The following ZBTB20 variants were observed in gnomAD, a reference collection of about 807,000 sequenced individuals.
ZBTB20 encodes the protein zinc finger and BTB domain containing 20, also known as zinc finger and BTB domain-containing protein 20.
ZBTB20 carries 9 observed loss-of-function variants against 56.9 expected under a neutral mutation model. The ratio of observed to expected loss-of-function variants is 0.16; its 90% CI spans 0.10 to 0.28. ZBTB20 has a LOEUF of 0.28. ZBTB20 is among the 10% of genes least tolerant of loss of function. ZBTB20 has a pLI of 1.00. For missense variants in ZBTB20, 655 were observed against 1,003.0 expected (o/e 0.65, Z 4.69); for synonymous variants, 417 against 420.7 (o/e 0.99, Z 0.11).
intron 6 of ZBTB20, among the ~76,000 whole-genome samples, chr3:114,581,628 C>A (rs2054635576): frequency 6.6e-6 from 1 of 150,392 alleles, no homozygotes. Flanking sequence ...AATAACCCAA[C>A]AGAAAGATGG....
intron 1 of ZBTB20, among the ~76,000 whole-genome samples, chr3:115,104,099 G>C (rs569804538): frequency 9.9e-5 from 15 of 152,204 alleles, no homozygotes; most frequent in African/African-American, 2.6e-4. Context: ...TATGAAAGGG[G>C]CTCCATATTA....
At chr3:114,705,797 G>C (rs2063686538) in intron 5 of ZBTB20, among the ~76,000 whole-genome samples, 1 of 152,184 alleles carries the variant, frequency 6.6e-6, no homozygotes, top group Non-Finnish European at 1.5e-5. Context: ...ACCCAGCACT[G>C]GGAGATGTCA....
chr3:115,097,247 C>T (rs1372179468), intron 1 of ZBTB20, among the ~76,000 whole-genome samples: 2 of 152,092 alleles, frequency 1.3e-5, no homozygotes, highest in Non-Finnish European at 1.5e-5. Flanking sequence ...GGCACGATCT[C>T]GGCTCACTAC....
chr3:115,104,429 T>C (rs2083666001), intron 1 of ZBTB20, among the ~76,000 whole-genome samples: 1 of 152,202 alleles, frequency 6.6e-6, no homozygotes, highest in Admixed American at 6.5e-5. Context: ...ATTGCCAATA[T>C]TTGGAAGAAA....
chr3:114,969,286 T>C (rs767249575), intron 3 of ZBTB20, among the ~76,000 whole-genome samples: 4 of 152,156 alleles, frequency 2.6e-5, no homozygotes, highest in Non-Finnish European at 4.4e-5. Flanking sequence ...TAGTCTCCTC[T>C]AGTATTATTT....
intron 7 of ZBTB20, among the ~76,000 whole-genome samples, chr3:114,480,081 G>T (rs180913166): frequency 3.8e-4 from 58 of 152,108 alleles, no homozygotes; most frequent in Admixed American, 1.4e-3. Flanking sequence ...GATTATATTT[G>T]TTCCTAACAA....
At position 114,333,007 on chromosome 3, in the gene ZBTB20, C is replaced by G. The variant is rs1034462454; in HGVS notation, c.*5998G>C. The G allele has an allele frequency of 5.9e-5, 9 of 152,232 alleles. No individual in the cohort carries two copies. Among genetic ancestry groups the G allele is most frequent in the African/African-American group, 1.9e-4 (8 of 41,456 alleles). The allele number at this position is 152,232 out of a possible 1,614,324, so 9.4% of individuals were successfully genotyped here. A position where few individuals can be genotyped will look rare whatever the true frequency, so the allele number is the denominator to read the frequency against. On this transcript the variant is annotated 3_prime_UTR_variant, in exon 12 of 12. Coordinates refer to ENST00000675478, the MANE Select transcript of ZBTB20 (RefSeq NM_001348800.3). ...CTAAAAAGGATGGAAACAAGCCCTA[C>G]TGTTCCATAACCATTCCCAGGGATC...
intron 4 of ZBTB20, among the ~76,000 whole-genome samples, chr3:114,898,939 TG>T (rs2074996859): frequency 6.6e-6 from 1 of 152,142 alleles, no homozygotes. Context: ...TCTTTAATAT[TG>T]AGTTGCAGCT....
rs895175788 is a variant in ZBTB20, at chr3:114,321,540, A to C, written c.*17465T>G. The C allele has an allele frequency of 1.3e-5, 2 of 152,192 alleles. No homozygotes were observed. The highest frequency in any genetic ancestry group is 4.8e-5 in the African/African-American group (2 of 41,430). The allele number at this position is 152,192 out of a possible 1,614,324, so 9.4% of individuals were successfully genotyped here. A position where few individuals can be genotyped will look rare whatever the true frequency, so the allele number is the denominator to read the frequency against. On this transcript the variant is annotated 3_prime_UTR_variant, in exon 12 of 12. Coordinates refer to ENST00000675478, the MANE Select transcript of ZBTB20 (RefSeq NM_001348800.3). ...AAAGTTTCAATGGCAGGGGCTCTTTACGTTAACTATACCTAACTGATGACT... is the reference window on the plus strand; with the variant it reads ...AAAGTTTCAATGGCAGGGGCTCTTTCCGTTAACTATACCTAACTGATGACT...
intron 7 of ZBTB20, chr3:114,419,264 A>G (rs1165161427): frequency 6.6e-6 from 1 of 152,110 alleles, no homozygotes; most frequent in Non-Finnish European, 1.5e-5. Context: ...ATAATTTGGA[A>G]CACAAATAAT....
intron 3 of ZBTB20, among the ~76,000 whole-genome samples, chr3:114,935,496 T>C (rs1000660737): frequency 6.6e-6 from 1 of 152,230 alleles, no homozygotes; most frequent in Non-Finnish European, 1.5e-5. Context: ...AATTAAGATT[T>C]TCTTTTTTAA....
At chr3:114,352,140 G>C (rs147267121) in intron 10 of ZBTB20, among the ~76,000 whole-genome samples, 5 of 152,296 alleles carry the variant, frequency 3.3e-5, no homozygotes, top group African/African-American at 9.6e-5. Flanking sequence ...CCAGAGCTTC[G>C]GCTGAGGTAG....
At chr3:115,003,647 T>A (rs961648242) in intron 2 of ZBTB20, among the ~76,000 whole-genome samples, 1 of 151,518 alleles carries the variant, frequency 6.6e-6, no homozygotes, top group Non-Finnish European at 1.5e-5. Context: ...CTGGGAAACA[T>A]AGTGAGCACG....
At chr3:114,789,310 C>G (rs948909518) in intron 5 of ZBTB20, among the ~76,000 whole-genome samples, 22 of 152,094 alleles carry the variant, frequency 1.4e-4, no homozygotes, top group African/African-American at 4.8e-4. Flanking sequence ...AGTCACTATC[C>G]AGAAAAATGG....
intron 5 of ZBTB20, among the ~76,000 whole-genome samples, chr3:114,694,160 A>C (rs2108330143): frequency 6.6e-6 from 1 of 152,242 alleles, no homozygotes; most frequent in East Asian, 1.9e-4. Context: ...TTATATTCCA[A>C]GTCTTGTAAG....
intron 7 of ZBTB20, among the ~76,000 whole-genome samples, chr3:114,413,103 C>A (rs1439667519): frequency 1.3e-5 from 2 of 151,454 alleles, no homozygotes; most frequent in African/African-American, 4.9e-5. Flanking sequence ...TGAAGTACTT[C>A]AAAAAATAAA....
chr3:114,573,425 T>C (rs758740801), intron 6 of ZBTB20, among the ~76,000 whole-genome samples: 2 of 144,624 alleles, frequency 1.4e-5, no homozygotes, highest in Non-Finnish European at 3.0e-5. Flanking sequence ...TGACACTTCA[T>C]TCCAGCTTGG....
At chr3:114,675,734 A>C (rs1441913553) in intron 6 of ZBTB20, among the ~76,000 whole-genome samples, 2 of 152,134 alleles carry the variant, frequency 1.3e-5, no homozygotes, top group Non-Finnish European at 2.9e-5. Context: ...CTGAAAGTAG[A>C]AAAACTGCAC....
intron 7 of ZBTB20, among the ~76,000 whole-genome samples, chr3:114,403,238 C>T (rs1179756520): frequency 1.3e-5 from 2 of 152,148 alleles, no homozygotes; most frequent in African/African-American, 4.8e-5. Context: ...TCTTTCTTCA[C>T]AGAAGGGAGC....
Sources: gnomAD v4.1 joint callset for allele counts (sites outside exome capture counted in the v4.1 genomes callset) on GRCh38, gnomAD v4.1.1 for gene constraint, MANE v1.5 for transcripts, NCBI Gene and HGNC (gene_info 2026-07-23, HGNC 2026-07-21) for gene names.